Variants in BTBD7 observed in about 807,000 individuals in gnomAD.
BTBD7 encodes BTB domain containing 7, also known as BTB/POZ domain-containing protein 7.
In BTBD7, 38 loss-of-function variants were observed where a neutral mutation model predicts 99.9. The observed-to-expected ratio is 0.38, with a 90% CI of 0.29 to 0.50. The LOEUF is 0.50. Among genes scored for constraint, BTBD7 ranks in the 20% least tolerant of loss-of-function variants. The probability of loss-of-function intolerance (pLI) is 0.93; values close to 1 mark genes in which losing one functional copy is unlikely to be tolerated. For synonymous variants in BTBD7, 520 were observed against 511.4 expected (o/e 1.02, Z -0.23); for missense variants, 1,170 against 1,394.6 (o/e 0.84, Z 2.57).
intron 5 of BTBD7, among the ~76,000 whole-genome samples, chr14:93,257,727 T>C (rs1037533425): frequency 6.6e-6 from 1 of 152,274 alleles, no homozygotes; most frequent in Non-Finnish European, 1.5e-5. Context: ...AAGGTCATTG[T>C]AGAGCATATG....
intron 2 of BTBD7, among the ~76,000 whole-genome samples, chr14:93,295,696 C>G (rs183166311): frequency 3.3e-5 from 5 of 152,158 alleles, no homozygotes; most frequent in Admixed American, 6.6e-5. Flanking sequence ...ATATGTACTT[C>G]GCTGTTTTAA....
At chr14:93,264,035 A>G in intron 3 of BTBD7, 42 bp from the exon 4 acceptor site, 1 of 1,553,664 alleles carries the variant, frequency 6.4e-7, no homozygotes, top group South Asian at 1.1e-5. Context: ...AATCATAAAT[A>G]TTACTTATTG....
At position 93,306,017 on chromosome 14, in the gene BTBD7, A is replaced by G. The variant is rs1566859355; in HGVS notation, c.-106-9860T>C. Among the ~76,000 whole-genome samples, 3 of 152,250 alleles carry G rather than the reference A, an allele frequency of 2.0e-5. 1 individual carries two copies. The South Asian group carries it at 6.2e-4, about 32-fold the overall frequency. On this transcript the variant is annotated intron_variant, in intron 1 of 10. Transcript: ENST00000334746. ...TCCAAAGGCCCTACGTTCAACTGAC[A>G]TACAGATTTGGGGATTAAGTTCCCA...
Position 93,246,949 on chromosome 14 carries a change from AG to A in BTBD7, c.2122-664del, listed in dbSNP as rs371400938. ...ATGTTCAGTAGAAAATTAGGACAGCAGGGGGAAAAAGAAGAAAAAGAACCTA... is the reference window on the plus strand; with the variant it reads ...ATGTTCAGTAGAAAATTAGGACAGCAGGGGAAAAAGAAGAAAAAGAACCTA... On this transcript the variant is annotated intron_variant, in intron 9 of 10. Coordinates refer to ENST00000334746, the MANE Select transcript of BTBD7 (RefSeq NM_001002860.4). Among the ~76,000 whole-genome samples, 49 of 152,146 alleles carry A rather than the reference AG, an allele frequency of 3.2e-4. No homozygotes were observed. In the East Asian group the frequency reaches 7.9e-3, roughly 25 times the overall value.
At position 93,290,433 on chromosome 14, in the gene BTBD7, C is replaced by T. The variant is rs907158608; in HGVS notation, c.1162+3425G>A. 4.0e-5 allele frequency among the ~76,000 whole-genome samples: 6 copies of T among 149,116 alleles called. No homozygotes were observed. In the East Asian group the frequency reaches 1.0e-3, roughly 25 times the overall value. On this transcript the variant is annotated intron_variant, in intron 3 of 10. Transcript: ENST00000334746. ...TTCACCCTGTTAGCCAGGATGGTCT[C>T]GATCTCCTGACCTCGTGATCTGCCT...
At chr14:93,308,016 C>T (rs1044630064) in intron 1 of BTBD7, among the ~76,000 whole-genome samples, 1 of 152,040 alleles carries the variant, frequency 6.6e-6, no homozygotes, top group Admixed American at 6.6e-5. Flanking sequence ...AAATTGCGGC[C>T]GGGCACGGTG....
intron 3 of BTBD7, among the ~76,000 whole-genome samples, chr14:93,289,716 G>A (rs1197419663): frequency 6.6e-6 from 1 of 152,128 alleles, no homozygotes; most frequent in Non-Finnish European, 1.5e-5. Context: ...TGAAAATCAA[G>A]TGAAGTTAAA....
chr14:93,261,463 A>C, intron 5 of BTBD7, 139 bp downstream of exon 5: 1 of 728,218 alleles, frequency 1.4e-6, no homozygotes. Context: ...CCACTAAAGG[A>C]TTTTGCTGGT....
At chr14:93,300,863 A>G (rs977145167) in intron 1 of BTBD7, among the ~76,000 whole-genome samples, 1 of 150,162 alleles carries the variant, frequency 6.7e-6, no homozygotes, top group Non-Finnish European at 1.5e-5. Flanking sequence ...TGATCTATCT[A>G]TCTTGGCTTC....
At chr14:93,321,067 T>C (rs2053263811) in intron 1 of BTBD7, among the ~76,000 whole-genome samples, 1 of 152,212 alleles carries the variant, frequency 6.6e-6, no homozygotes, top group Admixed American at 6.5e-5. Context: ...AAAATGAGCT[T>C]GTAACCATGA....
intron 1 of BTBD7, among the ~76,000 whole-genome samples, chr14:93,331,211 A>AGGT (rs2053399173): frequency 6.6e-6 from 1 of 152,174 alleles, no homozygotes; most frequent in African/African-American, 2.4e-5. Context: ...GGATAGGGGT[A>AGGT]GGTAGTGAAT....
chr14:93,323,796 C>T (rs115331951), intron 1 of BTBD7, among the ~76,000 whole-genome samples: 2,560 of 152,300 alleles, frequency 0.017, 79 homozygotes, highest in African/African-American at 0.059. Context: ...CACCACACGT[C>T]ATGTTTATTT....
chr14:93,248,562 C>A lies in BTBD7; in HGVS notation c.2035G>T (p.Gly679Trp). 1 of 1,614,144 alleles carries A rather than the reference C, an allele frequency of 6.2e-7. No homozygotes were observed. The highest frequency in any genetic ancestry group is 8.5e-7 in the Non-Finnish European group (1 of 1,180,040). Residue 679 changes from glycine to tryptophan, a missense_variant, in exon 9 of 11, where the codon GGG (glycine) becomes TGG (tryptophan). This residue lies in a region of BTBD7 where 309 missense variants were observed against 342.0 expected (regional missense o/e 0.90). Coordinates refer to ENST00000334746, the MANE Select transcript of BTBD7 (RefSeq NM_001002860.4). Reference protein sequence around the residue: ...QVQRAYALNCGEGATVSYEIQ... With the variant: ...QVQRAYALNCWEGATVSYEIQ... ...TCATAGCTGACAGTGGCGCCTTCCC[C>A]GCAGTTCAGGGCATAGGCCCTCTGC...
chr14:93,251,414 A>C, intron 8 of BTBD7, 49 bp downstream of exon 8: 1 of 1,498,160 alleles, frequency 6.7e-7, no homozygotes, highest in Non-Finnish European at 9.0e-7. Context: ...AATTTCAAAA[A>C]AACAATAAAT....
At chr14:93,331,887 C>A (rs145644825) in intron 1 of BTBD7, among the ~76,000 whole-genome samples, 3 of 147,736 alleles carry the variant, frequency 2.0e-5, no homozygotes, top group East Asian at 2.0e-4. Flanking sequence ...TCTCCCCCCC[C>A]CCAAAAAGGT....
intron 5 of BTBD7, among the ~76,000 whole-genome samples, chr14:93,261,072 G>A (rs568529069): frequency 2.0e-5 from 3 of 152,074 alleles, no homozygotes; most frequent in Non-Finnish European, 4.4e-5. Flanking sequence ...TGTATTTTTA[G>A]TAGAGGCGGG....
At chr14:93,273,290 T>C (rs540337772) in intron 3 of BTBD7, among the ~76,000 whole-genome samples, 3 of 152,326 alleles carry the variant, frequency 2.0e-5, no homozygotes, top group South Asian at 2.1e-4. Context: ...AAGGCCTAGA[T>C]ACTGGCTGGA....
chr14:93,253,440 ATAACC>A (rs2139688105), intron 7 of BTBD7, among the ~76,000 whole-genome samples: 1 of 152,384 alleles, frequency 6.6e-6, no homozygotes, highest in Non-Finnish European at 1.5e-5. Context: ...GCATTTTAAC[ATAACC>A]TAAGTTTTAA....
intron 3 of BTBD7, among the ~76,000 whole-genome samples, chr14:93,281,886 A>G (rs979438414): frequency 6.6e-6 from 1 of 152,234 alleles, no homozygotes; most frequent in African/African-American, 2.4e-5. Flanking sequence ...TTCAGAGGTA[A>G]AGTTTTACCA....
Sources: allele counts gnomAD v4.1 joint callset (sites outside exome capture counted in the v4.1 genomes callset), GRCh38; gene constraint gnomAD v4.1.1; regional missense constraint gnomAD v4.1.1; transcripts MANE v1.5; gene names NCBI Gene and HGNC (gene_info 2026-07-23, HGNC 2026-07-21).